Variants in MROH9 observed in about 807,000 individuals in gnomAD.
The protein encoded by MROH9 is maestro heat-like repeat-containing protein family member 9.
A neutral mutation model predicts 98.2 loss-of-function variants in MROH9; 92 were observed. The observed-to-expected ratio is 0.94, with a 90% confidence interval of 0.79 to 1.11. The LOEUF is 1.11. Among genes scored for constraint, MROH9 ranks in the 50% most tolerant of loss-of-function variants. The pLI, the probability that MROH9 is intolerant of heterozygous loss-of-function variation, is 0.00. For missense variants in MROH9, 1,057 were observed against 1,014.8 expected, an observed-to-expected ratio of 1.04 and a Z score of -0.57; for synonymous variants, 397 against 368.9, an observed-to-expected ratio of 1.08 and a Z score of -0.87.
At position 171,051,492 on chromosome 1, in the gene MROH9, A is replaced by T. The variant is rs552750204; in HGVS notation, c.2282-10640A>T. Among the ~76,000 whole-genome samples, 3 of 152,328 alleles carry T rather than the reference A, an allele frequency of 2.0e-5. No individual in the cohort carries two copies. In the East Asian group the frequency reaches 5.8e-4, roughly 29 times the overall value. On this transcript the variant is annotated intron_variant, in intron 20 of 21. Coordinates refer to ENST00000367759, the MANE Select transcript of MROH9 (RefSeq NM_001163629.2). Reference sequence around the variant, plus strand: ...CCTCAGCAAACAAATGCAGAAACAGAAAACAAAACATCACATATTCTCACT... The same window carrying T: ...CCTCAGCAAACAAATGCAGAAACAGTAAACAAAACATCACATATTCTCACT...
chr1:170,965,641 T>A (rs1262685192), intron 7 of MROH9, among the ~76,000 whole-genome samples: 1 of 152,108 alleles, frequency 6.6e-6, no homozygotes, highest in African/African-American at 2.4e-5. Context: ...ATACAAGTAA[T>A]CCTCAAGTTC....
chr1:170,985,114 G>A (rs1002287546), intron 9 of MROH9, among the ~76,000 whole-genome samples: 9 of 152,032 alleles, frequency 5.9e-5, no homozygotes, highest in South Asian at 2.1e-4. Flanking sequence ...TCCACAGAGA[G>A]CCACAAAAGT....
intron 20 of MROH9, among the ~76,000 whole-genome samples, chr1:171,046,655 T>C (rs1571165739): frequency 6.6e-6 from 1 of 152,206 alleles, no homozygotes; most frequent in South Asian, 2.1e-4. Flanking sequence ...TATTGATTGG[T>C]TCATCATTTA....
chr1:170,937,212 T>C (rs1057100183), intron 1 of MROH9, among the ~76,000 whole-genome samples: 1 of 152,218 alleles, frequency 6.6e-6, no homozygotes, highest in Admixed American at 6.5e-5. Context: ...TTCCAACATA[T>C]GTCCTGCATA....
chr1:171,016,123 C>T lies in MROH9; in HGVS notation c.1735-40C>T, dbSNP rs149782146. 815 of 1,335,510 alleles carry T rather than the reference C, an allele frequency of 6.1e-4. 3 individuals are homozygous for T. The African/African-American group carries it at 0.01, about 17-fold the overall frequency. The allele number at this position is 1,335,510 out of a possible 1,614,324, so 82.7% of individuals were successfully genotyped here. A position where few individuals can be genotyped will look rare whatever the true frequency, so the allele number is the denominator to read the frequency against. Reference sequence around the variant, plus strand: ...TATAAATGTCAGCTCAAGTCTCCTGCTAGTTCCTAAATCCCACCATTTTTT... The same window carrying T: ...TATAAATGTCAGCTCAAGTCTCCTGTTAGTTCCTAAATCCCACCATTTTTT... On this transcript the variant is annotated intron_variant, in intron 16 of 21. Transcript: ENST00000367759.
chr1:171,038,575 C>T (rs978368715), intron 20 of MROH9, among the ~76,000 whole-genome samples: 4 of 152,194 alleles, frequency 2.6e-5, no homozygotes, highest in Admixed American at 6.6e-5. Flanking sequence ...TCATTGTACA[C>T]TGCCATCTCA....
At chr1:171,007,403 T>G (rs1321455428) in intron 15 of MROH9, among the ~76,000 whole-genome samples, 1 of 152,090 alleles carries the variant, frequency 6.6e-6, no homozygotes, top group Non-Finnish European at 1.5e-5. Context: ...GTCTGTGAGA[T>G]GGCTCCTACT....
intron 20 of MROH9, among the ~76,000 whole-genome samples, chr1:171,046,158 C>G (rs968228403): frequency 6.6e-6 from 1 of 152,018 alleles, no homozygotes; most frequent in African/African-American, 2.4e-5. Flanking sequence ...TCTTTTTCCA[C>G]CAGTTTATTT....
rs1557887296 is a variant in MROH9, at chr1:170,989,956, C to G, written c.981C>G (p.Pro327=). The G allele has an allele frequency of 1.2e-5, 20 of 1,613,084 alleles. No homozygotes were observed. The highest frequency in any genetic ancestry group is 1.6e-5 in the Non-Finnish European group (19 of 1,179,368). Residue 327 remains proline (P), a synonymous_variant, in exon 11 of 22, where the codon CCC becomes CCG. Transcript: ENST00000367759. The part of the protein sequence containing the change: ...QVITLLTCTS[P]KKVIFQLMDY... The stretch of plus-strand genomic sequence containing the variant: ...TCACTTTGTTGACATGCACTTCACC[C>G]AAGAAGGTCATCTTTCAACTTATGG...
chr1:171,041,582 T>A (rs1284372544), intron 20 of MROH9, among the ~76,000 whole-genome samples: 3 of 151,766 alleles, frequency 2.0e-5, no homozygotes, highest in Non-Finnish European at 4.4e-5. Flanking sequence ...TTCGATTAGA[T>A]ACCTAGTAGT....
intron 20 of MROH9, among the ~76,000 whole-genome samples, chr1:171,061,831 C>G (rs1654025031): frequency 1.3e-5 from 2 of 152,080 alleles, no homozygotes; most frequent in African/African-American, 4.8e-5. Flanking sequence ...ACTGGGAGAG[C>G]CTTGAAGGAA....
chr1:171,043,157 T>G (rs1394870325), intron 20 of MROH9, among the ~76,000 whole-genome samples: 1 of 152,174 alleles, frequency 6.6e-6, no homozygotes, highest in African/African-American at 2.4e-5. Flanking sequence ...TTGGCTTGAT[T>G]CTTGTATATG....
At chr1:170,995,196 C>G (rs1651514419) in intron 12 of MROH9, among the ~76,000 whole-genome samples, 193 bp from the exon 13 acceptor site, 1 of 152,122 alleles carries the variant, frequency 6.6e-6, no homozygotes, top group African/African-American at 2.4e-5. Flanking sequence ...CCGTAGTAGG[C>G]TTGACACAGT....
chr1:170,968,618 C>T (rs952383295), intron 7 of MROH9, among the ~76,000 whole-genome samples: 5 of 152,102 alleles, frequency 3.3e-5, no homozygotes, highest in Non-Finnish European at 5.9e-5. Context: ...CTTTGTGGCT[C>T]ATGCCTATAA....
intron 1 of MROH9, among the ~76,000 whole-genome samples, chr1:170,939,394 C>A (rs1225736492): frequency 6.6e-6 from 1 of 152,176 alleles, no homozygotes; most frequent in Non-Finnish European, 1.5e-5. Flanking sequence ...GGCCATTGTC[C>A]TTCAGAGATG....
chr1:170,971,037 G>T (rs1424715395), intron 7 of MROH9, among the ~76,000 whole-genome samples: 3 of 152,066 alleles, frequency 2.0e-5, no homozygotes, highest in African/African-American at 7.2e-5. Context: ...ATTGGTAAAG[G>T]CCCTCATACT....
chr1:170,954,459 A>G (rs565363158), intron 3 of MROH9, among the ~76,000 whole-genome samples: 68 of 152,218 alleles, frequency 4.5e-4, no homozygotes, highest in African/African-American at 1.5e-3. Flanking sequence ...TGCAATGAAC[A>G]TGGGAGTAAA....
intron 19 of MROH9, 150 bp downstream of exon 19, chr1:171,024,915 C>A: frequency 6.6e-6 from 4 of 603,316 alleles, no homozygotes; most frequent in Non-Finnish European, 8.7e-6. Context: ...ATAGCTGGAG[C>A]TTGAGCCGAG....
At chr1:171,037,674 G>A (rs1158969378) in intron 20 of MROH9, among the ~76,000 whole-genome samples, 1 of 151,902 alleles carries the variant, frequency 6.6e-6, no homozygotes, top group African/African-American at 2.4e-5. Context: ...AAAGAATAAT[G>A]ACAGAGGACT....
Sources: allele counts gnomAD v4.1 joint callset (sites outside exome capture counted in the v4.1 genomes callset), GRCh38; gene constraint gnomAD v4.1.1; transcripts MANE v1.5; gene names NCBI Gene and HGNC (gene_info 2026-07-23, HGNC 2026-07-21).